The following CPNE4 variants were observed in gnomAD, a reference collection of about 807,000 sequenced individuals.
CPNE4 encodes the protein copine 4, also known as copine-4.
A neutral mutation model predicts 67.9 loss-of-function variants in CPNE4; 25 were observed. The ratio of observed to expected loss-of-function variants is 0.37; its 90% CI spans 0.27 to 0.51. CPNE4 has a LOEUF of 0.51. CPNE4 is among the 20% of genes least tolerant of loss of function. CPNE4 has a pLI of 0.93. For missense variants in CPNE4, 464 were observed against 690.8 expected (o/e 0.67, Z 3.68); for synonymous variants, 242 against 244.9 (o/e 0.99, Z 0.11).
At chr3:131,599,527 A>AG (rs1462269877) in intron 7 of CPNE4, among the ~76,000 whole-genome samples, 3 of 152,228 alleles carry the variant, frequency 2.0e-5, no homozygotes, top group African/African-American at 7.2e-5. Flanking sequence ...TTCCTACCAG[A>AG]GGGTAGACCC....
chr3:132,022,641 A>C (rs2074023067), intron 1 of CPNE4, among the ~76,000 whole-genome samples: 1 of 151,996 alleles, frequency 6.6e-6, no homozygotes, highest in African/African-American at 2.4e-5. Flanking sequence ...AGTGAATTTC[A>C]GCTTCTACTA....
intron 2 of CPNE4, among the ~76,000 whole-genome samples, chr3:131,726,889 C>T (rs55941319): frequency 0.3 from 45,717 of 152,072 alleles, 7,438 homozygotes; most frequent in East Asian, 0.43. Context: ...GAGTCTATCT[C>T]ATGCTCTTGT....
At chr3:131,761,900 G>C (rs1350931026) in intron 2 of CPNE4, among the ~76,000 whole-genome samples, 1 of 152,104 alleles carries the variant, frequency 6.6e-6, no homozygotes, top group African/African-American at 2.4e-5. Flanking sequence ...TTGCTTTAAT[G>C]CTCAAATGAA....
At chr3:131,700,854 T>C (rs561004538) in intron 3 of CPNE4, among the ~76,000 whole-genome samples, 6 of 151,958 alleles carry the variant, frequency 3.9e-5, no homozygotes, top group Admixed American at 2.0e-4. Flanking sequence ...CAAATGTCCA[T>C]CAATGATAGA....
chr3:131,806,308 T>G (rs1027211841), intron 2 of CPNE4, among the ~76,000 whole-genome samples: 1 of 152,156 alleles, frequency 6.6e-6, no homozygotes, highest in African/African-American at 2.4e-5. Flanking sequence ...CCCAGCACTT[T>G]GGGAGCCCGA....
In CPNE4 at chr3:131,798,079, G is replaced by A. The variant is rs141627678; in HGVS notation, c.181-74454C>T. 3.7e-3 allele frequency among the ~76,000 whole-genome samples: 568 copies of A among 152,174 alleles called. 4 individuals are homozygous for A. The highest frequency in any genetic ancestry group is 0.013 in the African/African-American group (532 of 41,508). On this transcript the variant is annotated intron_variant, in intron 2 of 15. Coordinates refer to ENST00000429747, the MANE Select transcript of CPNE4 (RefSeq NM_130808.3). ...AAGGGCACCAGCCCTATCAGATTAG[G>A]GTCCCACCCTTATGACCTCCTTTAA...
chr3:131,873,958 T>A (rs2087326627), intron 2 of CPNE4, among the ~76,000 whole-genome samples: 1 of 152,210 alleles, frequency 6.6e-6, no homozygotes, highest in South Asian at 2.1e-4. Context: ...TTTTTGTCTA[T>A]CTATGATTCA....
chr3:131,870,643 T>C (rs1164167523), intron 2 of CPNE4, among the ~76,000 whole-genome samples: 1 of 152,174 alleles, frequency 6.6e-6, no homozygotes, highest in Non-Finnish European at 1.5e-5. Context: ...TTCCCCTCCT[T>C]CTTTTATAAA....
At chr3:131,668,913 G>A (rs1467964125) in intron 7 of CPNE4, among the ~76,000 whole-genome samples, 6 of 152,074 alleles carry the variant, frequency 3.9e-5, no homozygotes, top group African/African-American at 1.4e-4. Context: ...ATACTTTGGA[G>A]CTTCTTCCAC....
chr3:131,697,997 T>C (rs6779676), intron 4 of CPNE4, among the ~76,000 whole-genome samples: 20,829 of 150,832 alleles, frequency 0.14, 1,651 homozygotes, highest in African/African-American at 0.2. Context: ...CTTTGGGAGG[T>C]GAGGCGGGCG....
intron 2 of CPNE4, among the ~76,000 whole-genome samples, chr3:131,867,686 A>G (rs930389698): frequency 9.9e-5 from 15 of 152,186 alleles, no homozygotes; most frequent in African/African-American, 3.4e-4. Flanking sequence ...GGCACATGCA[A>G]TGGACAGGAT....
At chr3:132,017,201 G>A (rs1183208000) in intron 1 of CPNE4, among the ~76,000 whole-genome samples, 1 of 152,152 alleles carries the variant, frequency 6.6e-6, no homozygotes, top group African/African-American at 2.4e-5. Context: ...AAGAAAGGCG[G>A]TAAGGAATGA....
chr3:131,742,306 C>T (rs2082377435), intron 2 of CPNE4, among the ~76,000 whole-genome samples: 1 of 152,086 alleles, frequency 6.6e-6, no homozygotes, highest in Admixed American at 6.6e-5. Context: ...CGGTCTTCTC[C>T]TGGCTTTGGA....
chr3:131,827,225 G>T (rs1267532525), intron 2 of CPNE4, among the ~76,000 whole-genome samples: 1 of 152,128 alleles, frequency 6.6e-6, no homozygotes, highest in East Asian at 1.9e-4. Flanking sequence ...AATGTGTTCT[G>T]GTATGAAATC....
chr3:131,670,698 G>A (rs2080388792), intron 6 of CPNE4, among the ~76,000 whole-genome samples: 1 of 152,094 alleles, frequency 6.6e-6, no homozygotes, highest in Non-Finnish European at 1.5e-5. Flanking sequence ...GTGATTCTGA[G>A]GCACAAAGTT....
intron 2 of CPNE4, among the ~76,000 whole-genome samples, chr3:131,840,182 T>G (rs2108016182): frequency 6.6e-6 from 1 of 152,288 alleles, no homozygotes; most frequent in Non-Finnish European, 1.5e-5. Context: ...TACTCCAAGT[T>G]CAGCTGATTT....
At chr3:131,862,963 G>C (rs1320083765) in intron 2 of CPNE4, among the ~76,000 whole-genome samples, 5 of 149,950 alleles carry the variant, frequency 3.3e-5, no homozygotes, top group Middle Eastern at 3.2e-3. Context: ...GCGGTGTTTG[G>C]TTTTTTGTCC....
chr3:131,918,096 A>G (rs1288875648), intron 1 of CPNE4, among the ~76,000 whole-genome samples: 2 of 152,206 alleles, frequency 1.3e-5, no homozygotes, highest in African/African-American at 4.8e-5. Flanking sequence ...AGCTGTTGAT[A>G]TTGTTTCCAT....
At chr3:131,676,143 C>T (rs1173917097) in intron 6 of CPNE4, among the ~76,000 whole-genome samples, 1 of 151,290 alleles carries the variant, frequency 6.6e-6, no homozygotes, top group Non-Finnish European at 1.5e-5. Flanking sequence ...GCAACCTCCA[C>T]CTCGTAGGTT....
Sources: allele counts gnomAD v4.1 joint callset (sites outside exome capture counted in the v4.1 genomes callset), GRCh38; gene constraint gnomAD v4.1.1; transcripts MANE v1.5; gene names NCBI Gene and HGNC (gene_info 2026-07-23, HGNC 2026-07-21).